Variants in DBF4B observed in about 807,000 individuals in gnomAD.
DBF4B encodes protein DBF4 homolog B.
Under a neutral mutation model 53.4 loss-of-function variants are expected in DBF4B, and 49 were observed. That is an observed-to-expected ratio of 0.92 (90% CI 0.73 to 1.16). The LOEUF (loss-of-function observed/expected upper bound fraction) is 1.16, where lower values mean the gene tolerates loss of function less well. DBF4B is among the 50% of genes most tolerant of loss of function. The pLI, the probability that DBF4B is intolerant of heterozygous loss-of-function variation, is 0.00. For synonymous variants in DBF4B, 257 were observed against 288.7 expected (o/e 0.89, Z 1.11); for missense variants, 692 against 775.0 (o/e 0.89, Z 1.27).
chr17:44,748,783 G>T, intron 13 of DBF4B: 1 of 1,314,416 alleles, frequency 7.6e-7, no homozygotes. Flanking sequence ...TGTCCCAATA[G>T]CCCCCAACCC....
At position 44,749,273 on chromosome 17, in the gene DBF4B, C is replaced by A; in HGVS notation, c.1189+808C>A. The stretch of plus-strand genomic sequence containing the variant: ...TCCCAGCCCTGGTCCCAACCCCAGC[C>A]CCAGCCCCAGCCCCATGCTGGCAGA... On this transcript the variant is annotated intron_variant, in intron 13 of 13. Transcript: ENST00000315005. This position sits in a 1 kb window ranked among gnomAD's most constrained non-coding sequence, Gnocchi z 4.4. The A allele has an allele frequency of 7.7e-7, 1 of 1,290,478 alleles. No homozygotes were observed. Among genetic ancestry groups the A allele is most frequent in the Middle Eastern group, 2.1e-4 (1 of 4,690 alleles). The allele number at this position is 1,290,478 out of a possible 1,614,324, so 79.9% of individuals were successfully genotyped here.
chr17:44,738,172 T>TC (rs917384625), intron 8 of DBF4B, among the ~76,000 whole-genome samples: 10 of 152,312 alleles, frequency 6.6e-5, no homozygotes, highest in East Asian at 3.9e-4. Context: ...CTGCAGCCTA[T>TC]CCCCCCACTG....
At chr17:44,713,192 A>C (rs542059617) in intron 2 of DBF4B, among the ~76,000 whole-genome samples, 1 of 148,098 alleles carries the variant, frequency 6.8e-6, no homozygotes, top group South Asian at 2.1e-4. Flanking sequence ...GGCACCCACG[A>C]CCAGGCCCGG....
chr17:44,735,227 A>C (rs1352754529), intron 7 of DBF4B, among the ~76,000 whole-genome samples: 1 of 152,248 alleles, frequency 6.6e-6, no homozygotes, highest in Non-Finnish European at 1.5e-5. Context: ...AGGGTATACA[A>C]CAAAAATTCT....
Position 44,732,268 on chromosome 17 carries a change from AC to A in DBF4B, c.556+6del. 1.9e-6 allele frequency: 3 copies of A among 1,613,856 alleles called. No individual in the cohort carries two copies. The highest frequency in any genetic ancestry group is 2.5e-6 in the Non-Finnish European group (3 of 1,179,916). On this transcript the variant is annotated splice_donor_region_variant and intron_variant, in intron 6 of 13. Coordinates refer to ENST00000315005, the MANE Select transcript of DBF4B (RefSeq NM_145663.3). Reference sequence around the variant, plus strand: ...AGTGAGGATTCTGCACGTGGATGGTACCCTTTCTGTGCTGGGCTCCTGTGGA... The same window carrying A: ...AGTGAGGATTCTGCACGTGGATGGTACCTTTCTGTGCTGGGCTCCTGTGGA...
At chr17:44,721,880 A>G (rs1392501534) in intron 2 of DBF4B, among the ~76,000 whole-genome samples, 2 of 151,624 alleles carry the variant, frequency 1.3e-5, no homozygotes, top group Non-Finnish European at 2.9e-5. Flanking sequence ...CGCGCCTGTA[A>G]TCCCAGCACT....
Position 44,710,810 on chromosome 17 carries a change from C to T in DBF4B, c.82+1444C>T, listed in dbSNP as rs183602346. Among the ~76,000 whole-genome samples the T allele has an allele frequency of 3.0e-3, 449 of 152,018 alleles. 1 individual carries two copies. Among genetic ancestry groups the T allele is most frequent in the Non-Finnish European group, 5.2e-3 (354 of 67,992 alleles). On this transcript the variant is annotated intron_variant, in intron 2 of 13. Transcript: ENST00000315005. ...CCGGTCTTCAACTCCTGGGCTCAAG[C>T]GATCACCCTCCTCAGCTTCCCAAAG...
intron 3 of DBF4B, among the ~76,000 whole-genome samples, chr17:44,726,992 G>A (rs1432632627): frequency 2.0e-5 from 3 of 151,070 alleles, no homozygotes; most frequent in Admixed American, 6.6e-5. Flanking sequence ...CCAGCTACTC[G>A]GGAGGCTGAG....
In DBF4B at chr17:44,749,373, T is replaced by TA. The variant is rs1437317470; in HGVS notation, c.1189+909dup. 3 of 1,289,388 alleles carry TA rather than the reference T, an allele frequency of 2.3e-6. No individual in the cohort carries two copies. The African/African-American group carries it at 4.6e-5, about 20-fold the overall frequency. The allele number at this position is 1,289,388 out of a possible 1,614,324, so 79.9% of individuals were successfully genotyped here. ...CAGCTCCAGATTGAAGGGCCACAGA[T>TA]ACAACTTACTCCTCTGCTGGGTGCT... On this transcript the variant is annotated intron_variant, in intron 13 of 13. Transcript: ENST00000315005. This position sits in a 1 kb window ranked among gnomAD's most constrained non-coding sequence, Gnocchi z 4.4.
chr17:44,719,528 T>C (rs535727224), intron 2 of DBF4B, among the ~76,000 whole-genome samples: 1 of 152,324 alleles, frequency 6.6e-6, no homozygotes, highest in South Asian at 2.1e-4. Flanking sequence ...TTCATATAAA[T>C]AGAGTCATAA....
chr17:44,724,364 CA>C (rs1034761468), intron 3 of DBF4B, among the ~76,000 whole-genome samples: 217 of 148,954 alleles, frequency 1.5e-3, no homozygotes, highest in African/African-American at 4.9e-3. Context: ...GACCCTGTCT[CA>C]AAAAAAAAGA....
chr17:44,736,974 G>A (rs1177035642), intron 8 of DBF4B, 108 bp downstream of exon 8: 15 of 1,331,660 alleles, frequency 1.1e-5, no homozygotes, highest in African/African-American at 5.8e-5. Context: ...GGCAGCAAGC[G>A]AGTCCAGGTT....
Position 44,732,208 on chromosome 17 carries a change from A to G in DBF4B, c.499A>G (p.Ser167Gly), listed in dbSNP as rs764240860. Residue 167 changes from serine to glycine, a missense_variant, in exon 6 of 14, where the codon AGC becomes GGC. This residue lies in a region of DBF4B where 597 missense variants were observed against 665.8 expected (regional missense o/e 0.90). Transcript: ENST00000315005. Reference protein sequence around the residue: ...GSISGGGSGGSSSLLTNARSW... With the variant: ...GSISGGGSGGGSSLLTNARSW... Reference sequence around the variant, plus strand: ...CATCAGTGGAGGAGGCAGTGGGGGCAGCAGCAGCCTCCTGACCAATGCCCG... The same window carrying G: ...CATCAGTGGAGGAGGCAGTGGGGGCGGCAGCAGCCTCCTGACCAATGCCCG... 6.2e-7 allele frequency: 1 copy of G among 1,614,152 alleles called. No individual in the cohort carries two copies. Among genetic ancestry groups the G allele is most frequent in the East Asian group, 2.2e-5 (1 of 44,876 alleles).
At chr17:44,748,803 C>T (rs1004439934) in intron 13 of DBF4B, 1 of 1,301,774 alleles carries the variant, frequency 7.7e-7, no homozygotes, top group Admixed American at 2.3e-5. Context: ...CCTGCGGCAC[C>T]AGGACAACTA....
chr17:44,728,864 A>G (rs1229752511), intron 3 of DBF4B, among the ~76,000 whole-genome samples: 1 of 152,058 alleles, frequency 6.6e-6, no homozygotes, highest in African/African-American at 2.4e-5. Flanking sequence ...TGGGAGGCCA[A>G]GGTGGGCAGA....
In DBF4B at chr17:44,739,571, G is replaced by A. The variant is rs913455439; in HGVS notation, c.713+1147G>A. On this transcript the variant is annotated intron_variant, in intron 9 of 13. Coordinates refer to ENST00000315005, the MANE Select transcript of DBF4B (RefSeq NM_145663.3). ...TTCCAGTTCCAGTGGGATGGATTGC[G>A]TGTTCATCCCCAGCCCCTTCACACC... 7.2e-5 allele frequency among the ~76,000 whole-genome samples: 11 copies of A among 152,222 alleles called. No individual in the cohort carries two copies. The East Asian group carries it at 9.6e-4, about 13-fold the overall frequency.
In DBF4B at chr17:44,751,539, T is replaced by C; in HGVS notation, c.*286T>C. ...CTCCAGCCCACCTCGCCAACCACTC[T>C]TGTTGGTTTCCTTCTCAGACTTGCC... is the stretch of plus-strand genomic sequence containing the variant. On this transcript the variant is annotated 3_prime_UTR_variant, in exon 14 of 14. Coordinates refer to ENST00000315005, the MANE Select transcript of DBF4B (RefSeq NM_145663.3). The C allele has an allele frequency of 1.5e-6, 2 of 1,331,650 alleles. No homozygotes were observed. The highest frequency in any genetic ancestry group is 1.9e-6 in the Non-Finnish European group (2 of 1,043,032). The allele number at this position is 1,331,650 out of a possible 1,614,324, so 82.5% of individuals were successfully genotyped here.
chr17:44,732,720 G>A, intron 6 of DBF4B: 1 of 157,060 alleles, frequency 6.4e-6, no homozygotes, highest in East Asian at 1.9e-4. Context: ...AGAAGCATTA[G>A]CCGAGCCTGG....
intron 2 of DBF4B, among the ~76,000 whole-genome samples, chr17:44,714,583 C>T (rs899165031): frequency 2.0e-5 from 3 of 151,796 alleles, no homozygotes; most frequent in Non-Finnish European, 4.4e-5. Flanking sequence ...GCCTCAGTTT[C>T]CTGTAACTGT....
Sources: allele counts gnomAD v4.1 joint callset (sites outside exome capture counted in the v4.1 genomes callset), GRCh38; gene constraint gnomAD v4.1.1; regional missense constraint gnomAD v4.1.1; non-coding constraint Gnocchi (gnomAD v3.1); transcripts MANE v1.5; gene names NCBI Gene and HGNC (gene_info 2026-07-23, HGNC 2026-07-21).